Variants in GLIS3 observed in about 807,000 individuals in gnomAD.
The protein encoded by GLIS3 is zinc finger protein GLIS3.
In GLIS3, 53 loss-of-function variants were observed where a neutral mutation model predicts 78.6. The observed-to-expected ratio is 0.67, with a 90% confidence interval of 0.54 to 0.85. The LOEUF is 0.85. GLIS3 is among the 40% of genes least tolerant of loss of function. GLIS3 has a pLI of 0.00. For missense variants in GLIS3, 1,703 were observed against 1,231.1 expected (o/e 1.38, Z -5.74); for synonymous variants, 684 against 509.9 (o/e 1.34, Z -4.60).
chr9:4,293,632 C>T (rs1405283239), intron 1 of GLIS3, among the ~76,000 whole-genome samples: 2 of 152,216 alleles, frequency 1.3e-5, no homozygotes, highest in Middle Eastern at 3.4e-3. Context: ...AACTTCGTAA[C>T]TAGCCCTGGC....
chr9:4,266,595 TACACACACACACACACACACAC>T (rs57746056), intron 2 of GLIS3, among the ~76,000 whole-genome samples: 1 of 149,294 alleles, frequency 6.7e-6, no homozygotes, highest in Non-Finnish European at 1.5e-5. Context: ...CATGCGCGTG[TACACACACACACACACACACAC>T]ACACACACAC....
rs578004504 is a variant in GLIS3 at position 4,032,464 on chromosome 9, T to A, written c.1710+85304A>T. Reference sequence around the variant, plus strand: ...TTTTTTTCAAAATTTTATATTTTTATATATTTTTAAAAATCTTATTTTTAA... The same window carrying A: ...TTTTTTTCAAAATTTTATATTTTTAAATATTTTTAAAAATCTTATTTTTAA... On this transcript the variant is annotated intron_variant, in intron 4 of 10. Transcript: ENST00000381971. Among the ~76,000 whole-genome samples the A allele has an allele frequency of 1.4e-3, 210 of 152,204 alleles. 1 individual carries two copies. Among genetic ancestry groups the A allele is most frequent in the African/African-American group, 4.9e-3 (205 of 41,564 alleles).
chr9:4,149,863 G>A (rs1283670525), intron 2 of GLIS3, among the ~76,000 whole-genome samples: 2 of 152,214 alleles, frequency 1.3e-5, no homozygotes, highest in Non-Finnish European at 2.9e-5. Context: ...TGACGATGAT[G>A]ATAATGATGG....
chr9:4,392,182 C>T, the GLIS3 span, among the ~76,000 whole-genome samples: 1 of 151,366 alleles, frequency 6.6e-6, no homozygotes, highest in Admixed American at 6.6e-5. Context: ...TCACTCATCG[C>T]TGAACGATGA....
chr9:4,355,274 T>C, the GLIS3 span, among the ~76,000 whole-genome samples: 1 of 152,190 alleles, frequency 6.6e-6, no homozygotes, highest in Non-Finnish European at 1.5e-5. Context: ...TGTGACTATC[T>C]GCAAGCAACT....
chr9:4,125,633 A>AGTGTGTGTGTGTGT, intron 3 of GLIS3, 101 bp downstream of exon 3: 1 of 771,610 alleles, frequency 1.3e-6, no homozygotes, highest in South Asian at 1.4e-5. Context: ...TAAGTGTATG[A>AGTGTGTGTGTGTGT]GTGTGTGTGT....
At chr9:4,298,347 C>T (rs747628695) in intron 1 of GLIS3, 37 of 455,684 alleles carry the variant, frequency 8.1e-5, no homozygotes, top group South Asian at 9.3e-5. Flanking sequence ...GAACGCGGAG[C>T]CAGAAACCCT....
intron 4 of GLIS3, among the ~76,000 whole-genome samples, chr9:3,945,705 C>G (rs755021737): frequency 3.3e-5 from 5 of 152,156 alleles, no homozygotes; most frequent in Admixed American, 6.5e-5. Flanking sequence ...GAAACATTCT[C>G]TATGACTTTA....
At chr9:4,369,375 G>C in the GLIS3 span, among the ~76,000 whole-genome samples, 4,223 of 152,294 alleles carry the variant, frequency 0.028, 78 homozygotes, top group Middle Eastern at 0.054. Context: ...TGTAAAATAA[G>C]AACAATAATA....
chr9:3,840,896 C>T (rs1008247313), intron 9 of GLIS3, among the ~76,000 whole-genome samples: 1 of 152,180 alleles, frequency 6.6e-6, no homozygotes, highest in Non-Finnish European at 1.5e-5. Flanking sequence ...AAGCTGGAAA[C>T]AGCATTTATC....
intron 1 of GLIS3, among the ~76,000 whole-genome samples, chr9:4,291,249 T>C (rs6476841): frequency 0.93 from 141,807 of 152,134 alleles, 66,528 homozygotes; most frequent in Non-Finnish European, 0.98. Flanking sequence ...AAAGAGGTTT[T>C]ATTTCTGAGT....
chr9:4,117,969 G>A lies in GLIS3; in HGVS notation c.1509C>T (p.Arg503=), dbSNP rs141125402. 326 of 1,613,714 alleles carry A rather than the reference G, an allele frequency of 2.0e-4. 1 individual carries two copies. In the African/African-American group the frequency reaches 3.5e-3, roughly 17 times the overall value. The change falls in exon 4 of 11, where the codon CGC becomes CGT. Residue 503 remains arginine, a synonymous_variant. Coordinates refer to ENST00000381971, the MANE Select transcript of GLIS3 (RefSeq NM_001042413.2). Reference sequence around the variant, plus strand: ...CGTACAGGGCGCTGCAGTCGATCCAGCGGCAGCAATGCTTGCCCCCGATGC... The same window carrying A: ...CGTACAGGGCGCTGCAGTCGATCCAACGGCAGCAATGCTTGCCCCCGATGC... ...MDGIGGKHCC[R]WIDCSALYDQ...
chr9:3,870,520 C>T (rs1322826420), intron 8 of GLIS3, among the ~76,000 whole-genome samples: 1 of 152,172 alleles, frequency 6.6e-6, no homozygotes, highest in Non-Finnish European at 1.5e-5. Context: ...TTCCATGTGG[C>T]TGAGGAAGCC....
chr9:4,246,682 G>A (rs918616698), intron 2 of GLIS3, among the ~76,000 whole-genome samples: 1 of 152,176 alleles, frequency 6.6e-6, no homozygotes, highest in African/African-American at 2.4e-5. Context: ...TGGTGCTAAA[G>A]TTATATGTAA....
the GLIS3 span, among the ~76,000 whole-genome samples, chr9:4,385,298 C>G: frequency 6.6e-6 from 1 of 152,102 alleles, no homozygotes; most frequent in Non-Finnish European, 1.5e-5. Flanking sequence ...ACCTAAAATC[C>G]AAAAGCTGCA....
At chr9:4,130,684 A>G (rs1343962983) in intron 2 of GLIS3, among the ~76,000 whole-genome samples, 1 of 152,252 alleles carries the variant, frequency 6.6e-6, no homozygotes, top group African/African-American at 2.4e-5. Context: ...AAAAGCCTGG[A>G]TGTCCAGACA....
At chr9:4,417,924 G>C in the GLIS3 span, among the ~76,000 whole-genome samples, 1 of 152,048 alleles carries the variant, frequency 6.6e-6, no homozygotes, top group African/African-American at 2.4e-5. Flanking sequence ...ATAGGTTTAG[G>C]GGTTGGGGAA....
chr9:3,898,726 C>A lies in GLIS3; in HGVS notation c.2093G>T (p.Gly698Val). 6.2e-7 allele frequency: 1 copy of A among 1,614,140 alleles called. No homozygotes were observed. The highest frequency in any genetic ancestry group is 8.5e-7 in the Non-Finnish European group (1 of 1,180,004). Residue 698 changes from glycine (G) to valine (V), a missense_variant, in exon 7 of 11, where the codon GGA (glycine) becomes GTA (valine). Coordinates refer to ENST00000381971, the MANE Select transcript of GLIS3 (RefSeq NM_001042413.2). ...PRDAAAEGTV[G>V]RSPGPGPDLY... is the part of the protein sequence containing the mutation. ...GTCAGGCCCGGGTCCAGGGGAGCGT[C>A]CCACGGTCCCTTCAGCAGCAGCATC...
At chr9:4,093,879 G>C (rs913451493) in intron 4 of GLIS3, among the ~76,000 whole-genome samples, 2 of 152,182 alleles carry the variant, frequency 1.3e-5, no homozygotes, top group African/African-American at 4.8e-5. Flanking sequence ...CAATACTTCA[G>C]TAACCCTGAG....
Sources: gnomAD v4.1 joint callset for allele counts (sites outside exome capture counted in the v4.1 genomes callset) on GRCh38, gnomAD v4.1.1 for gene constraint, MANE v1.5 for transcripts, NCBI Gene and HGNC (gene_info 2026-07-23, HGNC 2026-07-21) for gene names.